BCAS3: variants seen among roughly 807,000 people sequenced by gnomAD.
BCAS3 encodes BCAS3 microtubule associated cell migration factor, also known as BCAS4/BCAS3 fusion.
Under a neutral mutation model 116.1 loss-of-function variants are expected in BCAS3, and 53 were observed. That is an observed-to-expected ratio of 0.46 (90% confidence interval 0.37 to 0.57). The LOEUF is 0.57. Among genes scored for constraint, BCAS3 ranks in the 20% least tolerant of loss-of-function variants. BCAS3 has a pLI of 0.00. For synonymous variants in BCAS3, 391 were observed against 408.2 expected (o/e 0.96, Z 0.51); for missense variants, 917 against 1,165.4 (o/e 0.79, Z 3.10).
rs556110676 is a variant in BCAS3 at position 60,986,433 on chromosome 17, G to T, written c.1222-3538G>T. Among the ~76,000 whole-genome samples the T allele has an allele frequency of 2.6e-5, 4 of 152,286 alleles. No individual in the cohort carries two copies. The South Asian group carries it at 8.3e-4, about 32-fold the overall frequency. ...AACCTCCAAATTGTTCTCCATAGTG[G>T]TTGTATTAATTTACATTCCCACCAA... On this transcript the variant is annotated intron_variant, in intron 14 of 23. Coordinates refer to ENST00000407086, the MANE Select transcript of BCAS3 (RefSeq NM_017679.5).
intron 22 of BCAS3, among the ~76,000 whole-genome samples, chr17:61,187,831 T>C (rs909332182): frequency 6.6e-6 from 1 of 152,184 alleles, no homozygotes; most frequent in Non-Finnish European, 1.5e-5. Flanking sequence ...TTTTTTTCTT[T>C]CTTTCTTTCT....
Position 61,126,994 on chromosome 17 carries a change from T to G in BCAS3, c.2425+42430T>G, listed in dbSNP as rs2143842067. Among the ~76,000 whole-genome samples, 1 of 152,238 alleles carries G rather than the reference T, an allele frequency of 6.6e-6. No individual in the cohort carries two copies. The highest frequency in any genetic ancestry group is 2.1e-4 in the South Asian group (1 of 4,820). On this transcript the variant is annotated intron_variant, in intron 22 of 23. Coordinates refer to ENST00000407086, the MANE Select transcript of BCAS3 (RefSeq NM_017679.5). The surrounding 1 kb of genome is among the most constrained non-coding windows in gnomAD (Gnocchi z 4.6). The stretch of plus-strand genomic sequence containing the variant: ...ACACCCTTCGTCACAGGCACTTAAG[T>G]TTTAGATTGCATTTAAATTAGGATA...
chr17:60,919,861 G>T (rs376218436), intron 12 of BCAS3, among the ~76,000 whole-genome samples: 1 of 151,930 alleles, frequency 6.6e-6, no homozygotes, highest in Non-Finnish European at 1.5e-5. Context: ...TCCAACTACC[G>T]CTAAGAAATT....
At chr17:61,284,684 G>A (rs1164005610) in intron 22 of BCAS3, among the ~76,000 whole-genome samples, 2 of 144,778 alleles carry the variant, frequency 1.4e-5, no homozygotes, top group East Asian at 4.0e-4. Context: ...TTTCCCTCCT[G>A]CTGTTTAGGC....
rs2081257453 is a variant in BCAS3, at chr17:61,208,200, C to T, written c.2425+123636C>T. ...TCCAGAGACTAGTAACTTCCTATTC[C>T]ACTTTCCTGGGCTTGGTATTTTAGT... On this transcript the variant is annotated intron_variant, in intron 22 of 23. Coordinates refer to ENST00000407086, the MANE Select transcript of BCAS3 (RefSeq NM_017679.5). This position sits in a 1 kb window ranked among gnomAD's most constrained non-coding sequence, Gnocchi z 4.5. Among the ~76,000 whole-genome samples the T allele has an allele frequency of 6.6e-6, 1 of 152,064 alleles. No homozygotes were observed. The highest frequency in any genetic ancestry group is 2.1e-4 in the South Asian group (1 of 4,818).
rs532815321 is a variant in BCAS3, at chr17:60,930,612, C to A, written c.1087+6112C>A. 2.0e-3 allele frequency among the ~76,000 whole-genome samples: 299 copies of A among 152,194 alleles called. 2 individuals carry two copies. Among genetic ancestry groups the A allele is most frequent in the Non-Finnish European group, 3.7e-3 (250 of 67,998 alleles). The stretch of plus-strand genomic sequence containing the variant: ...CTGGGATTACAGGTGTGCGCCACTG[C>A]ACCCAGCTAATTTTTGTATTTTTTT... On this transcript the variant is annotated intron_variant, in intron 13 of 23. Coordinates refer to ENST00000407086, the MANE Select transcript of BCAS3 (RefSeq NM_017679.5).
rs1450320990 is a variant in BCAS3, at chr17:61,028,659, A to G, written c.1638-6007A>G. Among the ~76,000 whole-genome samples, 1 of 151,958 alleles carries G rather than the reference A, an allele frequency of 6.6e-6. No individual in the cohort carries two copies. The highest frequency in any genetic ancestry group is 1.5e-5 in the Non-Finnish European group (1 of 67,840). ...CTTCAACAGCTTACGTGCTCCTCAC[A>G]TTTAAGCAAAAGCACTTGTCAACCA... On this transcript the variant is annotated intron_variant, in intron 16 of 23. Coordinates refer to ENST00000407086, the MANE Select transcript of BCAS3 (RefSeq NM_017679.5). This position sits in a 1 kb window ranked among gnomAD's most constrained non-coding sequence, Gnocchi z 4.3.
At chr17:60,980,277 C>T (rs2062715670) in intron 14 of BCAS3, among the ~76,000 whole-genome samples, 1 of 152,144 alleles carries the variant, frequency 6.6e-6, no homozygotes, top group African/African-American at 2.4e-5. Context: ...GTTTCAGTTT[C>T]TACACATCCT....
Position 61,279,338 on chromosome 17 carries a change from A to T in BCAS3, c.2426-88989A>T, listed in dbSNP as rs540137814. ...TTTTAAGGCAGCCTAGGTCTGACAC[A>T]CCTAATAGAACAGAAGCTCTCGCTT... On this transcript the variant is annotated intron_variant, in intron 22 of 23. Coordinates refer to ENST00000407086, the MANE Select transcript of BCAS3 (RefSeq NM_017679.5). This position sits in a 1 kb window ranked among gnomAD's most constrained non-coding sequence, Gnocchi z 4.4. Among the ~76,000 whole-genome samples, 1 of 152,154 alleles carries T rather than the reference A, an allele frequency of 6.6e-6. No individual in the cohort carries two copies. Among genetic ancestry groups the T allele is most frequent in the East Asian group, 1.9e-4 (1 of 5,178 alleles).
At chr17:60,773,357 T>G (rs1300663533) in intron 6 of BCAS3, among the ~76,000 whole-genome samples, 2 of 146,720 alleles carry the variant, frequency 1.4e-5, no homozygotes, top group East Asian at 4.3e-4. Context: ...AGAGGTATTA[T>G]CATGGCTCGC....
rs56120032 is a variant in BCAS3 at position 61,082,564 on chromosome 17, G to C, written c.2328-1903G>C. On this transcript the variant is annotated intron_variant, in intron 21 of 23. Coordinates refer to ENST00000407086, the MANE Select transcript of BCAS3 (RefSeq NM_017679.5). This position sits in a 1 kb window ranked among gnomAD's most constrained non-coding sequence, Gnocchi z 5.1. ...TTGACTAACTATAGGAGTTGTATTA[G>C]CCCACATAGGAAGTTGTTTAGACTA... Among the ~76,000 whole-genome samples, 3 of 152,160 alleles carry C rather than the reference G, an allele frequency of 2.0e-5. No individual in the cohort carries two copies.
At chr17:60,820,134 G>A (rs1232685519) in intron 7 of BCAS3, among the ~76,000 whole-genome samples, 2 of 150,946 alleles carry the variant, frequency 1.3e-5, no homozygotes, top group African/African-American at 2.4e-5. Flanking sequence ...GCAGTCGCAC[G>A]ATCTTGGCTC....
rs1267699504 is a variant in BCAS3, at chr17:61,004,897, A to G, written c.1487-10854A>G. Among the ~76,000 whole-genome samples, 1 of 152,154 alleles carries G rather than the reference A, an allele frequency of 6.6e-6. No individual in the cohort carries two copies. The highest frequency in any genetic ancestry group is 1.5e-5 in the Non-Finnish European group (1 of 68,014). On this transcript the variant is annotated intron_variant, in intron 15 of 23. Transcript: ENST00000407086. The surrounding 1 kb of genome is among the most constrained non-coding windows in gnomAD (Gnocchi z 4.8). ...TCTGTGTTAAGAGCCATCTCTAGTA[A>G]GGAATGCTTAATTAATGTTCAATAA...
In BCAS3 at chr17:61,355,850, A is replaced by G. The variant is rs2058106936; in HGVS notation, c.2426-12477A>G. On this transcript the variant is annotated intron_variant, in intron 22 of 23. Coordinates refer to ENST00000407086, the MANE Select transcript of BCAS3 (RefSeq NM_017679.5). This position sits in a 1 kb window ranked among gnomAD's most constrained non-coding sequence, Gnocchi z 4.2. ...GAGAGATTCAGTTCCTTGTTTTTCC[A>G]TTGAAGGAATTGCTAGGTTTCCGAG... 6.6e-6 allele frequency among the ~76,000 whole-genome samples: 1 copy of G among 152,108 alleles called. No individual in the cohort carries two copies. Among genetic ancestry groups the G allele is most frequent in the South Asian group, 2.1e-4 (1 of 4,822 alleles).
Position 60,810,612 on chromosome 17 carries a change from C to G in BCAS3, c.476+2536C>G, listed in dbSNP as rs1185402563. 25 of 706,488 alleles carry G rather than the reference C, an allele frequency of 3.5e-5. No individual in the cohort carries two copies. In the Admixed American group the frequency reaches 3.9e-4, roughly 11 times the overall value. The allele number at this position is 706,488 out of a possible 1,614,324, so 43.8% of individuals were successfully genotyped here. On this transcript the variant is annotated intron_variant, in intron 7 of 23. Transcript: ENST00000407086. ...TCCCAAATACTGTGGACAGTGCCTG[C>G]ATCGTTCTGCAAATCAACAGTGCCT...
In BCAS3 at chr17:61,323,852, C is replaced by T. The variant is rs1431358462; in HGVS notation, c.2426-44475C>T. On this transcript the variant is annotated intron_variant, in intron 22 of 23. Transcript: ENST00000407086. This position sits in a 1 kb window ranked among gnomAD's most constrained non-coding sequence, Gnocchi z 4.6. ...CCCTGGCTTATCCATGGCCCCCTGG[C>T]CCCTGTGTGGGTTCCTTGGCTCCGT... 1.3e-5 allele frequency among the ~76,000 whole-genome samples: 2 copies of T among 152,242 alleles called. No individual in the cohort carries two copies. Among genetic ancestry groups the T allele is most frequent in the African/African-American group, 4.8e-5 (2 of 41,462 alleles).
chr17:60,855,218 G>T (rs191895559), intron 7 of BCAS3, among the ~76,000 whole-genome samples: 1 of 150,872 alleles, frequency 6.6e-6, no homozygotes, highest in Non-Finnish European at 1.5e-5. Flanking sequence ...AAAATGCTGG[G>T]ATTTCAGGTG....
intron 22 of BCAS3, among the ~76,000 whole-genome samples, chr17:61,289,494 A>G (rs1473123517): frequency 6.6e-6 from 1 of 152,218 alleles, no homozygotes; most frequent in Non-Finnish European, 1.5e-5. Context: ...AAGGGTTAAA[A>G]GTTTGAGCAG....
At chr17:60,797,935 A>C (rs2047362934) in intron 6 of BCAS3, among the ~76,000 whole-genome samples, 2 of 152,196 alleles carry the variant, frequency 1.3e-5, no homozygotes, top group African/African-American at 4.8e-5. Context: ...CCAGCTACTC[A>C]GGAGGCTAAG....
Sources: allele counts gnomAD v4.1 joint callset (sites outside exome capture counted in the v4.1 genomes callset), GRCh38; gene constraint gnomAD v4.1.1; non-coding constraint Gnocchi (gnomAD v3.1); transcripts MANE v1.5; gene names NCBI Gene and HGNC (gene_info 2026-07-23, HGNC 2026-07-21).